The following VANGL1 variants were observed in gnomAD, a reference collection of about 807,000 sequenced individuals.
VANGL1 encodes vang-like protein 1.
A neutral mutation model predicts 48.4 loss-of-function variants in VANGL1; 18 were observed. That is an observed-to-expected ratio of 0.37 (90% CI 0.26 to 0.55). The LOEUF (loss-of-function observed/expected upper bound fraction) is 0.55, where lower values mean the gene tolerates loss of function less well. Ranked by LOEUF, VANGL1 falls within the 20% of genes least tolerant of loss-of-function variation. The probability of loss-of-function intolerance (pLI) is 0.81; values close to 1 mark genes in which losing one functional copy is unlikely to be tolerated. For missense variants in VANGL1, 667 were observed against 675.8 expected, an observed-to-expected ratio of 0.99 and a Z score of 0.14; for synonymous variants, 257 against 261.8, an observed-to-expected ratio of 0.98 and a Z score of 0.18.
intron 4 of VANGL1, among the ~76,000 whole-genome samples, chr1:115,675,383 C>G (rs1270977237): frequency 1.3e-5 from 2 of 152,148 alleles, no homozygotes; most frequent in Non-Finnish European, 2.9e-5. Flanking sequence ...TGCCTGTAGT[C>G]CCAGCTACTC....
intron 4 of VANGL1, among the ~76,000 whole-genome samples, chr1:115,665,177 G>C (rs1570752579): frequency 6.6e-6 from 1 of 152,138 alleles, no homozygotes; most frequent in African/African-American, 2.4e-5. Flanking sequence ...TTCTTCCACA[G>C]ACTATGAACT....
At position 115,697,668 on chromosome 1, in the gene VANGL1, G is replaced by A. The variant is rs1457276090; in HGVS notation, c.*6289G>A. On this transcript the variant is annotated 3_prime_UTR_variant, in exon 8 of 8. Transcript: ENST00000355485. ...TTTGAGAGGAGATTATTTGATAATT[G>A]CTTTGGTTAGAAGGACTTTACATTT... The A allele has an allele frequency of 6.6e-6, 1 of 152,240 alleles. No homozygotes were observed. Among genetic ancestry groups the A allele is most frequent in the Non-Finnish European group, 1.5e-5 (1 of 68,044 alleles). 9.4% of individuals were successfully genotyped at this position (152,240 alleles called of 1,614,324 possible).
rs780841523 is a variant in VANGL1 at position 115,685,370 on chromosome 1, A to G, written c.1157A>G (p.Glu386Gly). ...QAEEQQKAPG[E>G]VMDPREAAQA... ...GAGGAGCAGCAGAAAGCCCCAGGGG[A>G]GGTGATGGACCCTAGGGAGGCCGCC... Residue 386 changes from glutamate (E) to glycine (G), a missense_variant, in exon 7 of 8, where the codon GAG (glutamate) becomes GGG (glycine). Coordinates refer to ENST00000355485, the MANE Select transcript of VANGL1 (RefSeq NM_138959.3). The G allele has an allele frequency of 2.5e-6, 4 of 1,614,114 alleles. No individual in the cohort carries two copies. The South Asian group carries it at 4.4e-5, about 18-fold the overall frequency.
rs148512517 is a variant in VANGL1, at chr1:115,691,354, G to T, written c.1550G>T (p.Arg517Leu). ...CCCAAATCTCACAAATTTGTCCTTC[G>T]CTTACAGTCTGAGACATCCGTTTAA... ...IDPKSHKFVL[R>L]LQSETSV is the part of the protein sequence containing the mutation. Residue 517 changes from arginine to leucine, a missense_variant, in exon 8 of 8, where the codon CGC (arginine) becomes CTC (leucine). Transcript: ENST00000355485. 1 of 1,613,594 alleles carries T rather than the reference G, an allele frequency of 6.2e-7. No individual in the cohort carries two copies.
rs938130066 is a variant in VANGL1, at chr1:115,695,679, C to G, written c.*4300C>G. ...ATGTCACAGTCCGTGTTCCACCCAG[C>G]CTTGTTATCCCCACATTCTTTCAAG... is the stretch of plus-strand genomic sequence containing the variant. On this transcript the variant is annotated 3_prime_UTR_variant, in exon 8 of 8. Coordinates refer to ENST00000355485, the MANE Select transcript of VANGL1 (RefSeq NM_138959.3). 6.6e-6 allele frequency: 1 copy of G among 152,188 alleles called. No individual in the cohort carries two copies. The highest frequency in any genetic ancestry group is 1.5e-5 in the Non-Finnish European group (1 of 68,038). 9.4% of individuals were successfully genotyped at this position (152,188 alleles called of 1,614,324 possible).
chr1:115,646,932 G>A (rs1320758540), intron 1 of VANGL1, among the ~76,000 whole-genome samples: 1 of 152,188 alleles, frequency 6.6e-6, no homozygotes, highest in African/African-American at 2.4e-5. Context: ...GCAAAACAGG[G>A]CATGTAAAGG....
Position 115,691,679 on chromosome 1 carries a change from C to T in VANGL1, c.*300C>T, listed in dbSNP as rs41310108. 19,268 of 330,906 alleles carry T rather than the reference C, an allele frequency of 0.058. 682 individuals carry two copies. Among genetic ancestry groups the T allele is most frequent in the Admixed American group, 0.11 (2,282 of 21,656 alleles). The allele number at this position is 330,906 out of a possible 1,614,324, so 20.5% of individuals were successfully genotyped here. A position where few individuals can be genotyped will look rare whatever the true frequency, so the allele number is the denominator to read the frequency against. ...TGGAGCTGGTGCTTCTTGGGAGCCT[C>T]GCCTTACAACTAATTCCTGCCTTTC... On this transcript the variant is annotated 3_prime_UTR_variant, in exon 8 of 8. Transcript: ENST00000355485.
intron 4 of VANGL1, among the ~76,000 whole-genome samples, chr1:115,664,508 G>A (rs1168868517): frequency 6.6e-6 from 1 of 152,216 alleles, no homozygotes; most frequent in African/African-American, 2.4e-5. Context: ...TGCTGGGCTT[G>A]TTCTCAAAGT....
chr1:115,662,416 C>A (rs896598857), intron 3 of VANGL1, among the ~76,000 whole-genome samples: 1 of 152,220 alleles, frequency 6.6e-6, no homozygotes, highest in African/African-American at 2.4e-5. Context: ...TCTTTGGCCT[C>A]CTGTGTCTTT....
intron 4 of VANGL1, among the ~76,000 whole-genome samples, chr1:115,667,398 A>G (rs569917807): frequency 6.6e-6 from 1 of 152,218 alleles, no homozygotes; most frequent in Non-Finnish European, 1.5e-5. Context: ...AGAAAGTAAG[A>G]TACCATAAAT....
chr1:115,685,945 C>G (rs1254171818), intron 7 of VANGL1, among the ~76,000 whole-genome samples: 1 of 152,026 alleles, frequency 6.6e-6, no homozygotes, highest in Non-Finnish European at 1.5e-5. Context: ...ATACTAATAA[C>G]TATCTCATTT....
chr1:115,647,417 T>C (rs181653502), intron 1 of VANGL1, among the ~76,000 whole-genome samples: 120 of 152,380 alleles, frequency 7.9e-4, no homozygotes, highest in Non-Finnish European at 1.5e-3. Flanking sequence ...CTCATAGATA[T>C]ATCATTGCAG....
chr1:115,680,079 G>A (rs1653328681), intron 4 of VANGL1, among the ~76,000 whole-genome samples: 1 of 151,846 alleles, frequency 6.6e-6, no homozygotes. Context: ...TCTCTGGATG[G>A]GGTAGGAATA....
chr1:115,663,050 A>G (rs1652627168), intron 3 of VANGL1, among the ~76,000 whole-genome samples: 2 of 152,088 alleles, frequency 1.3e-5, no homozygotes, highest in South Asian at 4.1e-4. Flanking sequence ...CTTCCAAAGT[A>G]CGGGGATTAC....
chr1:115,662,231 G>A (rs1191955060), intron 3 of VANGL1, among the ~76,000 whole-genome samples: 1 of 151,546 alleles, frequency 6.6e-6, no homozygotes, highest in Middle Eastern at 3.4e-3. Flanking sequence ...GGTTTTTTTG[G>A]TCATTACTAG....
At chr1:115,686,750 T>G (rs536121479) in intron 7 of VANGL1, among the ~76,000 whole-genome samples, 8 of 152,162 alleles carry the variant, frequency 5.3e-5, no homozygotes, top group Non-Finnish European at 1.2e-4. Context: ...GCCATAGCAT[T>G]ATTTTTACCA....
At chr1:115,676,239 AG>A (rs1182336449) in intron 4 of VANGL1, among the ~76,000 whole-genome samples, 4 of 152,206 alleles carry the variant, frequency 2.6e-5, no homozygotes. Flanking sequence ...TCTGGAATCT[AG>A]TACTCCTACA....
chr1:115,664,939 A>G (rs1280396869), intron 4 of VANGL1, among the ~76,000 whole-genome samples: 1 of 152,204 alleles, frequency 6.6e-6, no homozygotes, highest in African/African-American at 2.4e-5. Flanking sequence ...TAAGCACTTT[A>G]TATATAGATT....
chr1:115,691,102 T>C lies in VANGL1; in HGVS notation c.1315-17T>C. The C allele has an allele frequency of 1.2e-6, 2 of 1,614,166 alleles. No homozygotes were observed. The highest frequency in any genetic ancestry group is 1.1e-5 in the South Asian group (1 of 91,084). ...CAGGCTGTTTCTTCCCTAATGGCCT[T>C]TCTCCTCTGCTTCCAGGCCTTCCTA... is the stretch of plus-strand genomic sequence containing the variant. On this transcript the variant is annotated splice_polypyrimidine_tract_variant and intron_variant, in intron 7 of 7. Transcript: ENST00000355485.
Sources: allele counts gnomAD v4.1 joint callset (sites outside exome capture counted in the v4.1 genomes callset), GRCh38; gene constraint gnomAD v4.1.1; transcripts MANE v1.5; gene names NCBI Gene and HGNC (gene_info 2026-07-23, HGNC 2026-07-21).